Variants in LRRC27 observed in about 807,000 individuals in gnomAD.
The protein encoded by LRRC27 is leucine-rich repeat-containing protein 27.
A neutral mutation model predicts 55.0 loss-of-function variants in LRRC27; 57 were observed. The ratio of observed to expected loss-of-function variants is 1.04; its 90% CI spans 0.84 to 1.29. The LOEUF (loss-of-function observed/expected upper bound fraction) is 1.29, where lower values mean the gene tolerates loss of function less well. Ranked by LOEUF, LRRC27 falls within the 50% of genes most tolerant of loss-of-function variation. The probability of loss-of-function intolerance (pLI) is 0.00; values close to 1 mark genes in which losing one functional copy is unlikely to be tolerated. For missense variants in LRRC27, 721 were observed against 651.5 expected, an observed-to-expected ratio of 1.11 and a Z score of -1.16; for synonymous variants, 278 against 251.9, an observed-to-expected ratio of 1.10 and a Z score of -0.98.
rs1313287977 is a variant in LRRC27 at position 132,348,857 on chromosome 10, G to A, written c.926+501G>A. On this transcript the variant is annotated intron_variant, in intron 6 of 10. Coordinates refer to ENST00000368614, the MANE Select transcript of LRRC27 (RefSeq NM_030626.3). This position sits in a 1 kb window ranked among gnomAD's most constrained non-coding sequence, Gnocchi z 4.2. The stretch of plus-strand genomic sequence containing the variant: ...TGCAGAAAATAAATGGCAGCTGCCT[G>A]GGGACAAAAGGAAGGCAGTCATTGT... 6.8e-6 allele frequency: 5 copies of A among 731,944 alleles called. No homozygotes were observed. In the East Asian group the frequency reaches 1.1e-4, roughly 16 times the overall value. 45.3% of individuals were successfully genotyped at this position (731,944 alleles called of 1,614,324 possible). A position where few individuals can be genotyped will look rare whatever the true frequency, so the allele number is the denominator to read the frequency against.
chr10:132,336,242 G>A (rs987240055), intron 2 of LRRC27, among the ~76,000 whole-genome samples: 2 of 152,216 alleles, frequency 1.3e-5, no homozygotes, highest in African/African-American at 4.8e-5. Flanking sequence ...GGACCAAGAA[G>A]TGTAAAACCA....
upstream of LRRC27, chr10:132,331,353 A>T: frequency 7.1e-7 from 1 of 1,408,472 alleles, no homozygotes; most frequent in Non-Finnish European, 9.6e-7. Context: ...AGGGTTCCAC[A>T]GGACCACGCG....
At chr10:132,331,368 C>A (rs1188863331), upstream of LRRC27, 1 of 1,503,840 alleles carries the variant, frequency 6.6e-7, no homozygotes, top group African/African-American at 1.4e-5. Flanking sequence ...CACGCGAGCA[C>A]CTCCCCTCCC....
intron 2 of LRRC27, among the ~76,000 whole-genome samples, chr10:132,334,054 A>C (rs2066990813): frequency 6.6e-6 from 1 of 152,240 alleles, no homozygotes; most frequent in Admixed American, 6.5e-5. Context: ...ACAAAACCTT[A>C]AAGAAAATCA....
chr10:132,333,955 T>C (rs1220046935), intron 2 of LRRC27, among the ~76,000 whole-genome samples: 2 of 152,260 alleles, frequency 1.3e-5, no homozygotes, highest in East Asian at 1.9e-4. Context: ...TCTATTTAGA[T>C]GAAGGTGTCT....
chr10:132,361,158 G>A (rs897536446), intron 8 of LRRC27, among the ~76,000 whole-genome samples: 10 of 152,158 alleles, frequency 6.6e-5, no homozygotes, highest in African/African-American at 2.4e-4. Flanking sequence ...GGGGCATAAG[G>A]GCATGCAGGG....
At chr10:132,365,241 G>A (rs948543951) in intron 9 of LRRC27, among the ~76,000 whole-genome samples, 183 bp from the exon 10 acceptor site, 1 of 152,238 alleles carries the variant, frequency 6.6e-6, no homozygotes, top group Non-Finnish European at 1.5e-5. Context: ...TGAGTCTGGA[G>A]GAGAGTGGGT....
Position 132,375,303 on chromosome 10 carries a change from G to T in LRRC27, c.*61G>T. The T allele has an allele frequency of 6.7e-7, 1 of 1,502,636 alleles. No individual in the cohort carries two copies. The highest frequency in any genetic ancestry group is 9.0e-7 in the Non-Finnish European group (1 of 1,107,154). The allele number at this position is 1,502,636 out of a possible 1,614,324, so 93.1% of individuals were successfully genotyped here. On this transcript the variant is annotated 3_prime_UTR_variant, in exon 11 of 11. Coordinates refer to ENST00000368614, the MANE Select transcript of LRRC27 (RefSeq NM_030626.3). ...CAGGAGCCGCTCAGTCTTCTTTCCC[G>T]GGCGTCGCCTCCTGTGTGGTGCCGG...
intron 7 of LRRC27, among the ~76,000 whole-genome samples, chr10:132,355,112 G>A (rs764139404): frequency 2.6e-5 from 4 of 152,154 alleles, no homozygotes; most frequent in Non-Finnish European, 5.9e-5. Context: ...GTCTTGCTCC[G>A]TCACCCAGGC....
intron 10 of LRRC27, 23 bp downstream of exon 10, chr10:132,365,573 T>G (rs1564856599): frequency 6.2e-7 from 1 of 1,607,974 alleles, no homozygotes; most frequent in South Asian, 1.1e-5. Context: ...TGGTTCTGTT[T>G]AAAAAAGTGT....
At position 132,348,212 on chromosome 10, in the gene LRRC27, G is replaced by T. The variant is rs369156861; in HGVS notation, c.782G>T (p.Arg261Leu). 2 of 1,613,942 alleles carry T rather than the reference G, an allele frequency of 1.2e-6. No homozygotes were observed. Among genetic ancestry groups the T allele is most frequent in the South Asian group, 1.1e-5 (1 of 91,086 alleles). The part of the protein sequence containing the change: ...ENWPSEEEIR[R>L]FWKLRQEIVE... Reference sequence around the variant, plus strand: ...TGGCCCAGCGAGGAGGAGATCAGGCGCTTTTGGAAGCTGAGGCAGGAGATT... The same window carrying T: ...TGGCCCAGCGAGGAGGAGATCAGGCTCTTTTGGAAGCTGAGGCAGGAGATT... The change falls in exon 6 of 11, where the codon CGC becomes CTC. Residue 261 changes from arginine (R) to leucine (L), a missense_variant. Transcript: ENST00000368614. This position sits in a 1 kb window ranked among gnomAD's most constrained non-coding sequence, Gnocchi z 4.2.
upstream of LRRC27, chr10:132,331,782 G>T (rs368777372): frequency 5.6e-6 from 9 of 1,607,722 alleles, no homozygotes; most frequent in African/African-American, 1.3e-5. Flanking sequence ...CGCCCCTCCA[G>T]ACCCTCGCGG....
intron 8 of LRRC27, among the ~76,000 whole-genome samples, chr10:132,357,168 C>T (rs964242828): frequency 6.6e-6 from 1 of 152,228 alleles, no homozygotes; most frequent in Non-Finnish European, 1.5e-5. Context: ...CAAAACAAGG[C>T]TCAGAGTTAG....
intron 5 of LRRC27, among the ~76,000 whole-genome samples, chr10:132,345,598 T>C (rs911514778): frequency 3.9e-5 from 6 of 152,072 alleles, no homozygotes; most frequent in Admixed American, 3.9e-4. Flanking sequence ...GATGTTGTGA[T>C]AAAAATAGGA....
chr10:132,366,227 A>AG (rs1432909564), intron 10 of LRRC27: 3 of 153,904 alleles, frequency 1.9e-5, no homozygotes, highest in East Asian at 1.9e-4. Context: ...CTGGGCCATG[A>AG]GGGGCGTCAC....
intron 10 of LRRC27, among the ~76,000 whole-genome samples, chr10:132,368,420 T>G (rs1033778106): frequency 6.6e-6 from 1 of 152,158 alleles, no homozygotes; most frequent in Non-Finnish European, 1.5e-5. Context: ...ACCCCCCAAC[T>G]TGAAGACTCT....
At chr10:132,336,763 T>C (rs2067152181) in intron 2 of LRRC27, 1 of 772,806 alleles carries the variant, frequency 1.3e-6, no homozygotes, top group African/African-American at 1.7e-5. Context: ...TTTGAGATCA[T>C]TGTTCCGAAC....
chr10:132,338,562 C>G (rs1306797938), intron 3 of LRRC27, among the ~76,000 whole-genome samples: 1 of 152,166 alleles, frequency 6.6e-6, no homozygotes, highest in Admixed American at 6.5e-5. Flanking sequence ...CTCAGCCTGG[C>G]CCTTCCCCAG....
chr10:132,355,750 G>C (rs1323782253), intron 7 of LRRC27, 40 bp from the exon 8 acceptor site: 1 of 1,441,830 alleles, frequency 6.9e-7, no homozygotes, highest in Non-Finnish European at 9.5e-7. Context: ...TTGGCTCGAA[G>C]CTGCCTGTAA....
Sources: gnomAD v4.1 joint callset for allele counts (sites outside exome capture counted in the v4.1 genomes callset) on GRCh38, gnomAD v4.1.1 for gene constraint, Gnocchi (gnomAD v3.1) non-coding constraint, MANE v1.5 for transcripts, NCBI Gene and HGNC (gene_info 2026-07-23, HGNC 2026-07-21) for gene names.